SPATS2: variants seen among roughly 807,000 people sequenced by gnomAD.
SPATS2 encodes the protein spermatogenesis associated serine rich 2.
In SPATS2, 38 loss-of-function variants were observed where a neutral mutation model predicts 63.7. The observed-to-expected ratio is 0.60, with a 90% confidence interval of 0.46 to 0.78. The LOEUF (loss-of-function observed/expected upper bound fraction) is 0.78. SPATS2 is among the 30% of genes least tolerant of loss of function. The pLI is 0.00. For missense variants in SPATS2, 588 were observed against 666.2 expected (o/e 0.88, Z 1.29); for synonymous variants, 207 against 232.9 (o/e 0.89, Z 1.01).
chr12:49,455,806 G>T (rs1407896977), intron 2 of SPATS2, among the ~76,000 whole-genome samples: 1 of 152,264 alleles, frequency 6.6e-6, no homozygotes, highest in East Asian at 1.9e-4. Context: ...ATTTTTTGTA[G>T]AGACACAGTC....
rs1435427190 is a variant in SPATS2, at chr12:49,493,100, A to T, written c.265-1641A>T. Among the ~76,000 whole-genome samples, 69 of 71,972 alleles carry T rather than the reference A, an allele frequency of 9.6e-4. No homozygotes were observed. The South Asian group carries it at 0.019, about 19-fold the overall frequency. 47.2% of individuals were successfully genotyped at this position (71,972 alleles called of 152,430 possible). On this transcript the variant is annotated intron_variant, in intron 6 of 13. Transcript: ENST00000552918. ...GCAACAAGAGCGAAACTCCGTCTTTAAAAAAAAAAAAAAAAAAGAAAGAAA... is the reference window on the plus strand; with the variant it reads ...GCAACAAGAGCGAAACTCCGTCTTTTAAAAAAAAAAAAAAAAAGAAAGAAA...
intron 2 of SPATS2, among the ~76,000 whole-genome samples, chr12:49,383,756 T>G (rs1944263645): frequency 6.6e-6 from 1 of 152,206 alleles, no homozygotes; most frequent in African/African-American, 2.4e-5. Context: ...ACCATTTTAT[T>G]TAACCATTTC....
chr12:49,523,380 T>TGGGGGGGG (rs1946975060), intron 12 of SPATS2, among the ~76,000 whole-genome samples: 1 of 12,954 alleles, frequency 7.7e-5, no homozygotes. Flanking sequence ...ACTCAGGAGG[T>TGGGGGGGG]GGGGTGGGGG....
chr12:49,379,550 C>CAAAAA (rs565753035), intron 2 of SPATS2, among the ~76,000 whole-genome samples: 3 of 45,056 alleles, frequency 6.7e-5, no homozygotes, highest in African/African-American at 2.4e-4. Context: ...GAATCCGTCT[C>CAAAAA]AAAAAAAAAA....
chr12:49,449,379 C>G (rs1945576716), intron 2 of SPATS2, among the ~76,000 whole-genome samples: 1 of 152,102 alleles, frequency 6.6e-6, no homozygotes, highest in African/African-American at 2.4e-5. Context: ...CCACACCCAG[C>G]TAATTTTTGT....
At chr12:49,497,389 T>G (rs1946481470) in intron 8 of SPATS2, among the ~76,000 whole-genome samples, 1 of 151,722 alleles carries the variant, frequency 6.6e-6, no homozygotes, top group Non-Finnish European at 1.5e-5. Flanking sequence ...TCTCTGACAT[T>G]GACTTTTTTT....
At chr12:49,376,509 A>G (rs547994337) in intron 2 of SPATS2, among the ~76,000 whole-genome samples, 29 of 151,106 alleles carry the variant, frequency 1.9e-4, no homozygotes, top group Non-Finnish European at 3.8e-4. Context: ...TGATCCTCCC[A>G]CCTCAGTCTC....
chr12:49,516,204 T>TATATATATAAAATAA (rs764472141), intron 10 of SPATS2, among the ~76,000 whole-genome samples: 1 of 70,704 alleles, frequency 1.4e-5, no homozygotes, highest in African/African-American at 5.3e-5. Flanking sequence ...TATATATATA[T>TATATATATAAAATAA]ATATAAATCA....
intron 9 of SPATS2, among the ~76,000 whole-genome samples, chr12:49,513,750 A>G (rs1375660987): frequency 2.0e-5 from 3 of 152,248 alleles, no homozygotes; most frequent in South Asian, 2.1e-4. Context: ...TGTTGAAGAC[A>G]TACAAGTCCT....
intron 6 of SPATS2, 42 bp from the exon 7 acceptor site, chr12:49,494,694 ATCTTT>A: frequency 1.4e-6 from 2 of 1,463,606 alleles, no homozygotes. Context: ...TTGTGGGGGA[ATCTTT>A]TCTTTCTTTT....
At chr12:49,392,160 G>T (rs1325810510) in intron 2 of SPATS2, among the ~76,000 whole-genome samples, 1 of 151,850 alleles carries the variant, frequency 6.6e-6, no homozygotes, top group South Asian at 2.1e-4. Context: ...AACAAGTTGG[G>T]TTAACTTATT....
chr12:49,369,501 G>A (rs1943962207), intron 1 of SPATS2, among the ~76,000 whole-genome samples: 1 of 152,208 alleles, frequency 6.6e-6, no homozygotes, highest in African/African-American at 2.4e-5. Flanking sequence ...AGACCTAGCT[G>A]TATCGGATGC....
chr12:49,435,059 CTCTG>C (rs1277455645), intron 2 of SPATS2, among the ~76,000 whole-genome samples: 2 of 114,662 alleles, frequency 1.7e-5, no homozygotes, highest in Non-Finnish European at 1.6e-5. Context: ...TGGAGTCTTG[CTCTG>C]TCTGTCGCCC....
At chr12:49,506,659 C>G in intron 9 of SPATS2, among the ~76,000 whole-genome samples, 1 of 152,010 alleles carries the variant, frequency 6.6e-6, no homozygotes, top group South Asian at 2.1e-4. Context: ...CCAGCCTAGG[C>G]AACATAATGA....
At chr12:49,462,295 A>G (rs1408833883) in intron 3 of SPATS2, 2 of 702,344 alleles carry the variant, frequency 2.8e-6, no homozygotes, top group Admixed American at 4.0e-5. Context: ...GCGAGTGAAC[A>G]AGGAAGGAAC....
chr12:49,392,174 G>C (rs895661282), intron 2 of SPATS2, among the ~76,000 whole-genome samples: 1 of 151,332 alleles, frequency 6.6e-6, no homozygotes. Flanking sequence ...ACTTATTCTT[G>C]GTCTTTTTGC....
At chr12:49,475,133 A>G (rs1946096597) in intron 3 of SPATS2, among the ~76,000 whole-genome samples, 1 of 152,214 alleles carries the variant, frequency 6.6e-6, no homozygotes, top group Non-Finnish European at 1.5e-5. Context: ...GCCAAACCAT[A>G]TGAAAATGAA....
At chr12:49,521,841 T>A (rs1034824661) in intron 11 of SPATS2, among the ~76,000 whole-genome samples, 2 of 152,214 alleles carry the variant, frequency 1.3e-5, no homozygotes, top group African/African-American at 4.8e-5. Context: ...TCTGAAACTT[T>A]AGGAATTCAA....
chr12:49,526,083 AGAGTGCT>A lies in SPATS2; in HGVS notation c.1467_1473del (p.Gln489HisfsTer53), dbSNP rs1947029144. On this transcript the variant is annotated frameshift_variant, in exon 14 of 14. Coordinates refer to ENST00000552918, the MANE Select transcript of SPATS2 (RefSeq NM_023071.4). LOFTEE classifies it high-confidence loss of function. ...TGGTATTCATCTGGTTCCAGGTATCAGAGTGCTCCATCTCAGGCACCAGGAAACACCA... is the reference window on the plus strand; with the variant it reads ...TGGTATTCATCTGGTTCCAGGTATCACCATCTCAGGCACCAGGAAACACCA... 6.2e-7 allele frequency: 1 copy of A among 1,614,130 alleles called. No individual in the cohort carries two copies. The highest frequency in any genetic ancestry group is 1.7e-5 in the Admixed American group (1 of 60,006).
Sources: gnomAD v4.1 joint callset for allele counts (sites outside exome capture counted in the v4.1 genomes callset) on GRCh38, gnomAD v4.1.1 for gene constraint, MANE v1.5 for transcripts, NCBI Gene and HGNC (gene_info 2026-07-23, HGNC 2026-07-21) for gene names.